RYR1: variants seen among roughly 807,000 people sequenced by gnomAD.
RYR1 encodes central core disease of muscle.
In RYR1, 342 loss-of-function variants were observed where a neutral mutation model predicts 583.5. The observed-to-expected ratio is 0.59, with a 90% confidence interval of 0.54 to 0.64. The LOEUF (loss-of-function observed/expected upper bound fraction) is 0.64, where lower values mean the gene tolerates loss of function less well. RYR1 is among the 30% of genes least tolerant of loss of function. RYR1 has a pLI of 0.00. For synonymous variants in RYR1, 2,791 were observed against 2,822.5 expected (o/e 0.99, Z 0.35); for missense variants, 6,032 against 6,917.2 (o/e 0.87, Z 4.54).
intron 49 of RYR1, among the ~76,000 whole-genome samples, chr19:38,503,790 T>G (rs1970312508): frequency 6.6e-6 from 1 of 151,108 alleles, no homozygotes; most frequent in African/African-American, 2.5e-5. Context: ...AAAAAAAAAT[T>G]TGCATTTTGG....
intron 84 of RYR1, among the ~76,000 whole-genome samples, chr19:38,541,573 G>C (rs5029200): frequency 8.1e-6 from 1 of 122,898 alleles, no homozygotes; most frequent in Admixed American, 8.3e-5. Context: ...AAAATTAGCC[G>C]GGCGTGGTGG....
chr19:38,498,700 T>A (rs1969957497), intron 42 of RYR1, among the ~76,000 whole-genome samples: 1 of 152,198 alleles, frequency 6.6e-6, no homozygotes, highest in South Asian at 2.1e-4. Flanking sequence ...GATATTGCCA[T>A]GACATTTGTA....
chr19:38,502,865 T>C lies in RYR1; in HGVS notation c.7836-15T>C. Reference sequence around the variant, plus strand: ...CCTGGACGGGGGATTCTACATCTTGTGCATTGTCCCGCAGGTACATCCGCC... The same window carrying C: ...CCTGGACGGGGGATTCTACATCTTGCGCATTGTCCCGCAGGTACATCCGCC... On this transcript the variant is annotated splice_polypyrimidine_tract_variant and intron_variant, in intron 48 of 105. Coordinates refer to ENST00000359596, the MANE Select transcript of RYR1 (RefSeq NM_000540.3). 2 of 1,608,370 alleles carry C rather than the reference T, an allele frequency of 1.2e-6. No homozygotes were observed. Among genetic ancestry groups the C allele is most frequent in the Non-Finnish European group, 8.5e-7 (1 of 1,179,616 alleles).
chr19:38,533,715 C>A (rs1255212824), intron 78 of RYR1, among the ~76,000 whole-genome samples: 1 of 151,580 alleles, frequency 6.6e-6, no homozygotes, highest in East Asian at 2.0e-4. Context: ...TCGCTTGAAC[C>A]CGCGAGGTGG....
chr19:38,519,740 G>A (rs1054875962), intron 67 of RYR1, among the ~76,000 whole-genome samples: 4 of 150,880 alleles, frequency 2.7e-5, no homozygotes, highest in South Asian at 2.1e-4. Flanking sequence ...ATGCAGTGGC[G>A]CGATCTCGGC....
rs151232114 is a variant in RYR1 at position 38,482,984 on chromosome 19, C to T, written c.4621-43C>T. On this transcript the variant is annotated intron_variant, in intron 31 of 105. Transcript: ENST00000359596. ...TGAGGTCCAGAGTCAACCCTCCCTC[C>T]AGCCCACCCGTTTGCTCACCTCGTC... 1,477 of 1,554,806 alleles carry T rather than the reference C, an allele frequency of 9.5e-4. 10 individuals carry two copies. In the African/African-American group the frequency reaches 0.018, roughly 18 times the overall value.
At position 38,500,809 on chromosome 19, in the gene RYR1, C is replaced by G. The variant is rs1303654803; in HGVS notation, c.7445-12C>G. On this transcript the variant is annotated splice_polypyrimidine_tract_variant and intron_variant, in intron 46 of 105. Coordinates refer to ENST00000359596, the MANE Select transcript of RYR1 (RefSeq NM_000540.3). The surrounding 1 kb of genome is among the most constrained non-coding windows in gnomAD (Gnocchi z 5.9). ...CGCAGGGCATCCCCGAACCCACCCTCCCTGCCTGCAGATGGGGCTCTGGTG... is the reference window on the plus strand; with the variant it reads ...CGCAGGGCATCCCCGAACCCACCCTGCCTGCCTGCAGATGGGGCTCTGGTG... The G allele has an allele frequency of 1.2e-6, 2 of 1,611,870 alleles. No homozygotes were observed. The highest frequency in any genetic ancestry group is 1.1e-5 in the South Asian group (1 of 91,046).
chr19:38,473,032 G>A (rs1307787473), intron 27 of RYR1, among the ~76,000 whole-genome samples: 2 of 143,624 alleles, frequency 1.4e-5, no homozygotes, highest in Non-Finnish European at 3.0e-5. Context: ...AAAAAAAAAA[G>A]CATTGAAGTT....
chr19:38,562,830 C>T (rs569132521), intron 90 of RYR1, among the ~76,000 whole-genome samples: 17 of 152,350 alleles, frequency 1.1e-4, no homozygotes, highest in African/African-American at 2.9e-4. Flanking sequence ...TCCCATGCCG[C>T]CACGCCCTCC....
rs1970791068 is a variant in RYR1, at chr19:38,512,803, A to T, written c.9472+320A>T. 6.8e-6 allele frequency among the ~76,000 whole-genome samples: 1 copy of T among 147,804 alleles called. No individual in the cohort carries two copies. The highest frequency in any genetic ancestry group is 2.5e-5 in the African/African-American group (1 of 40,332). ...ACATAGCGAGACCCTGTCTCTACTA[A>T]AAAAAAAAAGAAAAATTTAAAGATT... On this transcript the variant is annotated intron_variant, in intron 63 of 105. Transcript: ENST00000359596. The surrounding 1 kb of genome is among the most constrained non-coding windows in gnomAD (Gnocchi z 5.1).
chr19:38,505,168 C>A, intron 52 of RYR1, 87 bp downstream of exon 52: 1 of 1,302,310 alleles, frequency 7.7e-7, no homozygotes, highest in Non-Finnish European at 1.1e-6. Flanking sequence ...CCCAGATCTC[C>A]CTGAGACCCC....
At chr19:38,502,749 G>GCA in intron 48 of RYR1, 22 bp downstream of exon 48, 2 of 1,487,540 alleles carry the variant, frequency 1.3e-6, no homozygotes, top group East Asian at 2.5e-5. Context: ...CAGGCTTCAG[G>GCA]GTGGGGCAGG....
At chr19:38,547,344 C>G (rs1312163949) in intron 88 of RYR1, among the ~76,000 whole-genome samples, 3 of 151,844 alleles carry the variant, frequency 2.0e-5, no homozygotes, top group African/African-American at 7.3e-5. Context: ...AGCCACTGCG[C>G]CCAGCCTACA....
intron 12 of RYR1, 54 bp from the exon 13 acceptor site, chr19:38,452,765 C>T (rs1393705624): frequency 2.1e-5 from 32 of 1,496,634 alleles, no homozygotes; most frequent in African/African-American, 6.9e-5. Context: ...GCGGCAGTGA[C>T]GTTGCGGCAG....
At position 38,587,474 on chromosome 19, in the gene RYR1, A is replaced by G. The variant is rs1974551506; in HGVS notation, c.*54A>G. On this transcript the variant is annotated 3_prime_UTR_variant, in exon 106 of 106. Coordinates refer to ENST00000359596, the MANE Select transcript of RYR1 (RefSeq NM_000540.3). ...CCTCAAGTGCCTTATTCTCACAGCA[A>G]GCCCCTTAGTCCCCAAGCCCCTCCC... 5.3e-6 allele frequency: 7 copies of G among 1,310,684 alleles called. No homozygotes were observed. Among genetic ancestry groups the G allele is most frequent in the Admixed American group, 1.7e-5 (1 of 58,400 alleles). 81.2% of individuals were successfully genotyped at this position (1,310,684 alleles called of 1,614,324 possible). A position where few individuals can be genotyped will look rare whatever the true frequency, so the allele number is the denominator to read the frequency against.
At chr19:38,510,077 T>G (rs1032243780) in intron 58 of RYR1, among the ~76,000 whole-genome samples, 1 of 152,046 alleles carries the variant, frequency 6.6e-6, no homozygotes, top group Non-Finnish European at 1.5e-5. Context: ...GGAAAGCACA[T>G]TGGGAGGTTG....
intron 11 of RYR1, among the ~76,000 whole-genome samples, chr19:38,451,407 G>C (rs1233159685): frequency 6.6e-6 from 1 of 152,012 alleles, no homozygotes. Flanking sequence ...TCTGGTCGGG[G>C]GGAATGTTAA....
intron 83 of RYR1, 35 bp downstream of exon 83, chr19:38,536,802 T>C: frequency 1.2e-6 from 2 of 1,611,184 alleles, no homozygotes; most frequent in Non-Finnish European, 8.5e-7. Context: ...GCTGTGCTGC[T>C]GTCACCCACC....
intron 1 of RYR1, among the ~76,000 whole-genome samples, 175 bp from the exon 2 acceptor site, chr19:38,440,570 A>T (rs1171575516): frequency 6.6e-6 from 1 of 152,184 alleles, no homozygotes; most frequent in Non-Finnish European, 1.5e-5. Flanking sequence ...AAATGGGATG[A>T]TGCTGGCTTG....
Sources: gnomAD v4.1 joint callset for allele counts (sites outside exome capture counted in the v4.1 genomes callset) on GRCh38, gnomAD v4.1.1 for gene constraint, Gnocchi (gnomAD v3.1) non-coding constraint, MANE v1.5 for transcripts, NCBI Gene and HGNC (gene_info 2026-07-23, HGNC 2026-07-21) for gene names.